CCDC191: variants seen among roughly 807,000 people sequenced by gnomAD.
CCDC191 encodes coiled-coil domain containing 191, also known as coiled-coil domain-containing protein 191.
Under a neutral mutation model 114.0 loss-of-function variants are expected in CCDC191, and 99 were observed. That is an observed-to-expected ratio of 0.87 (90% CI 0.74 to 1.03). The LOEUF (loss-of-function observed/expected upper bound fraction) is 1.03. CCDC191 is among the 50% of genes least tolerant of loss of function. CCDC191 has a pLI of 0.00. For synonymous variants in CCDC191, 351 were observed against 376.0 expected, an observed-to-expected ratio of 0.93 and a Z score of 0.77; for missense variants, 973 against 1,087.0, an observed-to-expected ratio of 0.90 and a Z score of 1.47.
In CCDC191 at chr3:114,031,773, CTTCTCT is replaced by C; in HGVS notation, c.819_824del (p.Ile273_Lys275delinsMet). On this transcript the variant is annotated inframe_deletion and splice_region_variant, in exon 7 of 17. Transcript: ENST00000295878. ...TTTGAGAATTCTCTTCTTGCCTTTT[CTTCTCT>C]CTATTAATAACAATTTAAAAATACA... 1 of 1,354,460 alleles carries C rather than the reference CTTCTCT, an allele frequency of 7.4e-7. No homozygotes were observed. Among genetic ancestry groups the C allele is most frequent in the Non-Finnish European group, 1.0e-6 (1 of 956,274 alleles). The allele number at this position is 1,354,460 out of a possible 1,614,324, so 83.9% of individuals were successfully genotyped here. A position where few individuals can be genotyped will look rare whatever the true frequency, so the allele number is the denominator to read the frequency against.
At chr3:114,046,547 C>T in intron 3 of CCDC191, 44 bp downstream of exon 3, 1 of 1,184,740 alleles carries the variant, frequency 8.4e-7, no homozygotes, top group Non-Finnish European at 1.3e-6. Context: ...ATGGGTTATG[C>T]TTTAAGAATT....
intron 2 of CCDC191, chr3:114,047,246 GAATGTTTTAACTCA>G: frequency 4.5e-6 from 2 of 446,882 alleles, no homozygotes; most frequent in Non-Finnish European, 3.0e-6. Context: ...TAGCCATCTA[GAATGTTTTAACTCA>G]ACAGCAAGAG....
At chr3:113,986,372 GA>G (rs750196271) in intron 13 of CCDC191, among the ~76,000 whole-genome samples, 2 of 152,134 alleles carry the variant, frequency 1.3e-5, no homozygotes, top group Non-Finnish European at 2.9e-5. Context: ...ATCCCATAAG[GA>G]AAAGAAAAAG....
chr3:114,004,078 G>C (rs2075901967), intron 11 of CCDC191: 2 of 942,828 alleles, frequency 2.1e-6, no homozygotes, highest in East Asian at 1.2e-4. Flanking sequence ...AGACCAGCCT[G>C]GGCAACACAG....
intron 7 of CCDC191, among the ~76,000 whole-genome samples, chr3:114,028,599 T>C (rs72956698): frequency 0.013 from 1,942 of 152,030 alleles, 31 homozygotes; most frequent in African/African-American, 0.039. Context: ...AAACTATTTT[T>C]ATAGTGTACT....
intron 13 of CCDC191, among the ~76,000 whole-genome samples, chr3:113,992,327 A>C (rs1376797190): frequency 1.3e-5 from 2 of 152,286 alleles, no homozygotes; most frequent in East Asian, 3.9e-4. Context: ...GCTGCCCAAG[A>C]GGCCCACTTC....
chr3:114,018,429 C>A (rs2076196066), intron 8 of CCDC191, among the ~76,000 whole-genome samples: 1 of 151,964 alleles, frequency 6.6e-6, no homozygotes, highest in South Asian at 2.1e-4. Flanking sequence ...TCTGCCTTAG[C>A]CTTCTGAGTA....
At chr3:114,052,063 C>T (rs1489221304) in intron 2 of CCDC191, among the ~76,000 whole-genome samples, 1 of 151,916 alleles carries the variant, frequency 6.6e-6, no homozygotes, top group Non-Finnish European at 1.5e-5. Context: ...ACTGTGGACA[C>T]AAGAGGACAA....
chr3:114,046,607 A>G lies in CCDC191; in HGVS notation c.255T>C (p.Asp85=), dbSNP rs112871549. ...TTCTCTTACCTTCTGCATAGATTTC[A>G]TCATGATCCTCTATTTGCTCAGATG... ...LKTSEQIEDH[D]EIYAEAQELV... The change falls in exon 3 of 17, where the codon GAT becomes GAC. Residue 85 remains aspartate, a synonymous_variant. Transcript: ENST00000295878. The G allele has an allele frequency of 3.3e-4, 521 of 1,594,254 alleles. 2 individuals carry two copies. The African/African-American group carries it at 4.1e-3, about 13-fold the overall frequency.
At chr3:114,018,009 C>G (rs954453636) in intron 8 of CCDC191, among the ~76,000 whole-genome samples, 2 of 152,100 alleles carry the variant, frequency 1.3e-5, no homozygotes, top group Non-Finnish European at 2.9e-5. Context: ...AGGCAGAATT[C>G]TGTGTCATTC....
chr3:114,033,098 T>A (rs1478434202), intron 6 of CCDC191, among the ~76,000 whole-genome samples: 2 of 152,008 alleles, frequency 1.3e-5, no homozygotes, highest in Non-Finnish European at 2.9e-5. Context: ...TTTTTTTTTT[T>A]TTATTTTCTG....
At chr3:114,052,967 G>A (rs1181358066) in intron 2 of CCDC191, among the ~76,000 whole-genome samples, 1 of 152,168 alleles carries the variant, frequency 6.6e-6, no homozygotes, top group East Asian at 1.9e-4. Flanking sequence ...CACCTGAAAT[G>A]ATTTAATGGC....
Position 113,992,631 on chromosome 3 carries a change from G to T in CCDC191, c.2163+8964C>A, listed in dbSNP as rs577692844. ...TTAGTAGATATACCTAATGCTAAAT[G>T]ACGAGTTAATGGGTGCAGCATACCA... On this transcript the variant is annotated intron_variant, in intron 13 of 16. Transcript: ENST00000295878. Among the ~76,000 whole-genome samples the T allele has an allele frequency of 8.4e-3, 1,273 of 152,266 alleles. 9 individuals carry two copies. The highest frequency in any genetic ancestry group is 0.029 in the African/African-American group (1,200 of 41,546).
At position 113,997,968 on chromosome 3, in the gene CCDC191, A is replaced by G. The variant is rs564075367; in HGVS notation, c.2163+3627T>C. Among the ~76,000 whole-genome samples, 18 of 152,224 alleles carry G rather than the reference A, an allele frequency of 1.2e-4. No individual in the cohort carries two copies. In the East Asian group the frequency reaches 3.5e-3, roughly 29 times the overall value. ...GAACTACATAATACTTGAGAATGAC[A>G]CTATACTTTTTATCATTATTTTAGA... On this transcript the variant is annotated intron_variant, in intron 13 of 16. Coordinates refer to ENST00000295878, the MANE Select transcript of CCDC191 (RefSeq NM_020817.2).
At chr3:114,046,912 A>G (rs2076637988) in intron 2 of CCDC191, 180 bp from the exon 3 acceptor site, 1 of 974,812 alleles carries the variant, frequency 1.0e-6, no homozygotes. Context: ...GAGGTTTCAT[A>G]TATAATATTA....
chr3:114,049,622 A>T (rs868048719), intron 2 of CCDC191, among the ~76,000 whole-genome samples: 2 of 152,192 alleles, frequency 1.3e-5, no homozygotes, highest in African/African-American at 4.8e-5. Flanking sequence ...AGAAAGACTG[A>T]AGGATAAAGA....
chr3:114,025,155 A>AC, intron 7 of CCDC191, among the ~76,000 whole-genome samples: 1 of 151,460 alleles, frequency 6.6e-6, no homozygotes, highest in Middle Eastern at 3.2e-3. Flanking sequence ...GTGAAATGCT[A>AC]CCCCGGCTAT....
intron 2 of CCDC191, among the ~76,000 whole-genome samples, chr3:114,050,177 T>C (rs2076682232): frequency 6.6e-6 from 1 of 152,238 alleles, no homozygotes; most frequent in Non-Finnish European, 1.5e-5. Context: ...ATCTTATAAA[T>C]GCTCAATATG....
At chr3:113,985,012 TAC>T (rs2075300738) in intron 13 of CCDC191, among the ~76,000 whole-genome samples, 4 of 152,154 alleles carry the variant, frequency 2.6e-5, no homozygotes, top group Admixed American at 2.6e-4. Flanking sequence ...AGCCACTGGA[TAC>T]CATATGAGTA....
Sources: allele counts gnomAD v4.1 joint callset (sites outside exome capture counted in the v4.1 genomes callset), GRCh38; gene constraint gnomAD v4.1.1; transcripts MANE v1.5; gene names NCBI Gene and HGNC (gene_info 2026-07-23, HGNC 2026-07-21).